Variants in ST3GAL3 observed in about 807,000 individuals in gnomAD.
ST3GAL3 encodes ST3 beta-galactoside alpha-2,3-sialyltransferase 3.
ST3GAL3 carries 21 observed loss-of-function variants against 50.1 expected under a neutral mutation model. The ratio of observed to expected loss-of-function variants is 0.42; its 90% CI spans 0.30 to 0.60. The LOEUF (loss-of-function observed/expected upper bound fraction) is 0.60. Ranked by LOEUF, ST3GAL3 falls within the 20% of genes least tolerant of loss-of-function variation. ST3GAL3 has a pLI of 0.19. For missense variants in ST3GAL3, 353 were observed against 489.4 expected (o/e 0.72, Z 2.63); for synonymous variants, 183 against 190.0 (o/e 0.96, Z 0.30).
At chr1:43,917,625 T>TATATA (rs1483776526) in intron 9 of ST3GAL3, among the ~76,000 whole-genome samples, 1 of 68,150 alleles carries the variant, frequency 1.5e-5, no homozygotes, top group East Asian at 3.6e-4. Flanking sequence ...TATTATATTA[T>TATATA]ATATAATATA....
At chr1:43,858,851 C>G (rs574717051) in intron 5 of ST3GAL3, among the ~76,000 whole-genome samples, 7 of 152,340 alleles carry the variant, frequency 4.6e-5, no homozygotes, top group African/African-American at 1.4e-4. Context: ...GGGCTGAAGC[C>G]TTGCCTCCCC....
chr1:43,776,784 C>A (rs971282024), intron 2 of ST3GAL3, among the ~76,000 whole-genome samples: 2 of 152,210 alleles, frequency 1.3e-5, no homozygotes, highest in Non-Finnish European at 2.9e-5. Context: ...CTTCACATTT[C>A]TCAGTTGGGG....
intron 3 of ST3GAL3, among the ~76,000 whole-genome samples, chr1:43,794,377 A>G (rs1177004314): frequency 6.6e-6 from 1 of 152,242 alleles, no homozygotes; most frequent in East Asian, 1.9e-4. Flanking sequence ...ATACACATCT[A>G]CCAAATGGCA....
chr1:43,905,401 T>C (rs867806237), intron 9 of ST3GAL3, among the ~76,000 whole-genome samples: 246 of 55,034 alleles, frequency 4.5e-3, no homozygotes, highest in Middle Eastern at 0.022. Flanking sequence ...CCCTCCCCCT[T>C]CTGCTCCTCT....
At position 43,851,019 on chromosome 1, in the gene ST3GAL3, C is replaced by T. The variant is rs1208454885; in HGVS notation, c.302+12708C>T. ...GGCAGTGTTCAAATGGGGAGGGCAC[C>T]ACGCCAGCTGCCACCAGCCTGCTGA... On this transcript the variant is annotated intron_variant, in intron 5 of 11. Coordinates refer to ENST00000347631, the MANE Select transcript of ST3GAL3 (RefSeq NM_006279.5). 7 of 845,992 alleles carry T rather than the reference C, an allele frequency of 8.3e-6. No individual in the cohort carries two copies. In the Admixed American group the frequency reaches 1.0e-4, roughly 12 times the overall value. The allele number at this position is 845,992 out of a possible 1,614,324, so 52.4% of individuals were successfully genotyped here.
intron 4 of ST3GAL3, among the ~76,000 whole-genome samples, chr1:43,815,623 T>A (rs2061136488): frequency 2.0e-5 from 3 of 152,216 alleles, no homozygotes; most frequent in Admixed American, 2.0e-4. Flanking sequence ...AATCCCAGAC[T>A]GACCTTTATT....
Position 43,787,767 on chromosome 1 carries a change from T to G in ST3GAL3, c.119-4335T>G, listed in dbSNP as rs116081835. Among the ~76,000 whole-genome samples, 215 of 152,372 alleles carry G rather than the reference T, an allele frequency of 1.4e-3. 1 individual carries two copies. Among genetic ancestry groups the G allele is most frequent in the African/African-American group, 4.9e-3 (205 of 41,586 alleles). On this transcript the variant is annotated intron_variant, in intron 2 of 11. Coordinates refer to ENST00000347631, the MANE Select transcript of ST3GAL3 (RefSeq NM_006279.5). The stretch of plus-strand genomic sequence containing the variant: ...TCTTCCTTGGCTTGAAGGCGAAGGC[T>G]ATCTCTAATTTGGCTCCATGGGGCC...
At chr1:43,790,664 G>T (rs1298605113) in intron 2 of ST3GAL3, among the ~76,000 whole-genome samples, 16 of 135,572 alleles carry the variant, frequency 1.2e-4, no homozygotes, top group Admixed American at 1.2e-3. Flanking sequence ...ATGGAGTCTT[G>T]CTCTGTCACC....
chr1:43,878,995 A>T (rs1326477780), intron 5 of ST3GAL3: 1 of 455,904 alleles, frequency 2.2e-6, no homozygotes, highest in Non-Finnish European at 4.4e-6. Context: ...GGAGACAGGA[A>T]GCAATGCACA....
intron 1 of ST3GAL3, among the ~76,000 whole-genome samples, chr1:43,713,389 A>G (rs915804230): frequency 6.6e-6 from 1 of 152,208 alleles, no homozygotes; most frequent in Non-Finnish European, 1.5e-5. Flanking sequence ...TTGAGCTATT[A>G]GTAGATCTAT....
rs374510140 is a variant in ST3GAL3, at chr1:43,847,118, A to T, written c.302+8807A>T. Among the ~76,000 whole-genome samples the T allele has an allele frequency of 3.9e-5, 6 of 152,366 alleles. No individual in the cohort carries two copies. In the East Asian group the frequency reaches 9.6e-4, roughly 24 times the overall value. On this transcript the variant is annotated intron_variant, in intron 5 of 11. Coordinates refer to ENST00000347631, the MANE Select transcript of ST3GAL3 (RefSeq NM_006279.5). ...AAGATACCACCTCACATCCATTAGG[A>T]TACTATGGCTATTATCCCAAAACCA...
chr1:43,839,644 C>T (rs1349944531), intron 5 of ST3GAL3: 1 of 152,148 alleles, frequency 6.6e-6, no homozygotes, highest in Non-Finnish European at 1.5e-5. Flanking sequence ...TGTATTAGGC[C>T]GTTCTTGCAT....
intron 3 of ST3GAL3, among the ~76,000 whole-genome samples, chr1:43,814,434 A>G (rs1460601622): frequency 6.6e-6 from 1 of 152,204 alleles, no homozygotes. Flanking sequence ...GTTCTTTATG[A>G]TGACCATGAA....
chr1:43,889,657 T>C (rs766990455), intron 5 of ST3GAL3, among the ~76,000 whole-genome samples: 1 of 152,232 alleles, frequency 6.6e-6, no homozygotes, highest in African/African-American at 2.4e-5. Context: ...GAAACCATTA[T>C]ATACATTTTC....
intron 5 of ST3GAL3, among the ~76,000 whole-genome samples, chr1:43,844,873 GC>G (rs963471648): frequency 1.3e-5 from 2 of 151,536 alleles, no homozygotes. Flanking sequence ...TTCTCTTAGT[GC>G]CCCTATCTGT....
intron 5 of ST3GAL3, among the ~76,000 whole-genome samples, chr1:43,889,531 A>G (rs995790653): frequency 6.6e-6 from 1 of 152,252 alleles, no homozygotes; most frequent in African/African-American, 2.4e-5. Context: ...TGGCAAATGC[A>G]AAGTAATTTG....
At chr1:43,906,876 G>A (rs2079865182) in intron 9 of ST3GAL3, among the ~76,000 whole-genome samples, 1 of 152,206 alleles carries the variant, frequency 6.6e-6, no homozygotes. Context: ...AGGGTACAGA[G>A]AGGATATGTT....
rs192076309 is a variant in ST3GAL3, at chr1:43,812,877, G to A, written c.167-2014G>A. 2.4e-3 allele frequency among the ~76,000 whole-genome samples: 332 copies of A among 137,254 alleles called. 2 individuals carry two copies. The highest frequency in any genetic ancestry group is 7.8e-3 in the African/African-American group (310 of 39,748). The allele number at this position is 137,254 out of a possible 152,430, so 90.0% of individuals were successfully genotyped here. On this transcript the variant is annotated intron_variant, in intron 3 of 11. Transcript: ENST00000347631. ...TAGAAATTTAATATGCAGTGTGTGC[G>A]TGTGTGTGTGTGTGTGAAACAAAAC...
chr1:43,826,991 G>C (rs921168345), intron 4 of ST3GAL3, among the ~76,000 whole-genome samples: 1 of 152,164 alleles, frequency 6.6e-6, no homozygotes, highest in Non-Finnish European at 1.5e-5. Context: ...CTTGCTTAAT[G>C]AGACACTGGA....
Sources: gnomAD v4.1 joint callset for allele counts (sites outside exome capture counted in the v4.1 genomes callset) on GRCh38, gnomAD v4.1.1 for gene constraint, MANE v1.5 for transcripts, NCBI Gene and HGNC (gene_info 2026-07-23, HGNC 2026-07-21) for gene names.